The following XKR4 variants were observed in gnomAD, a reference collection of about 807,000 sequenced individuals.
XKR4 encodes XK related 4, also known as XK-related protein 4.
A neutral mutation model predicts 53.9 loss-of-function variants in XKR4; 12 were observed. The ratio of observed to expected loss-of-function variants is 0.22; its 90% CI spans 0.14 to 0.36. The LOEUF is 0.36. Ranked by LOEUF, XKR4 falls within the 10% of genes least tolerant of loss-of-function variation. XKR4 has a pLI of 1.00. For synonymous variants in XKR4, 354 were observed against 362.4 expected (o/e 0.98, Z 0.26); for missense variants, 799 against 859.5 (o/e 0.93, Z 0.88).
chr8:55,449,649 T>C (rs1805399496), intron 2 of XKR4: 5 of 945,822 alleles, frequency 5.3e-6, no homozygotes, highest in Non-Finnish European at 8.7e-6. Context: ...GGGGCACCCA[T>C]GGTGGCCATG....
At chr8:55,138,058 C>T (rs777124951) in intron 1 of XKR4, among the ~76,000 whole-genome samples, 12 of 152,118 alleles carry the variant, frequency 7.9e-5, no homozygotes, top group Non-Finnish European at 1.5e-4. Flanking sequence ...GGAGCTGTCT[C>T]ATTACCTTCT....
At chr8:55,509,397 C>T (rs1806589685) in intron 2 of XKR4, among the ~76,000 whole-genome samples, 3 of 152,132 alleles carry the variant, frequency 2.0e-5, no homozygotes, top group South Asian at 2.1e-4. Context: ...CTTTGTTTCA[C>T]TGGTTCTGTC....
At chr8:55,455,928 C>T (rs966508404) in intron 2 of XKR4, among the ~76,000 whole-genome samples, 1 of 152,162 alleles carries the variant, frequency 6.6e-6, no homozygotes, top group African/African-American at 2.4e-5. Context: ...ACCTCAATAG[C>T]TACATGTCAT....
intron 2 of XKR4, chr8:55,450,141 C>A (rs942252083): frequency 1.9e-5 from 13 of 686,136 alleles, no homozygotes; most frequent in Non-Finnish European, 3.2e-5. Context: ...CTGTCTCCAA[C>A]CTCTGCAGGC....
At chr8:55,253,731 C>CTTTTTTT (rs67608017) in intron 1 of XKR4, among the ~76,000 whole-genome samples, 22 of 113,736 alleles carry the variant, frequency 1.9e-4, no homozygotes, top group African/African-American at 5.1e-4. Flanking sequence ...ATTTTCTTTT[C>CTTTTTTT]TTTTTTTTTT....
chr8:55,248,792 G>T (rs1425592952), intron 1 of XKR4, among the ~76,000 whole-genome samples: 5 of 151,856 alleles, frequency 3.3e-5, no homozygotes, highest in Non-Finnish European at 7.4e-5. Flanking sequence ...CCTGTCTGGG[G>T]TCTCCTGCCT....
At chr8:55,390,679 G>A (rs962952075) in intron 2 of XKR4, among the ~76,000 whole-genome samples, 5 of 152,140 alleles carry the variant, frequency 3.3e-5, no homozygotes, top group Admixed American at 6.5e-5. Flanking sequence ...ATTATAAAAC[G>A]AGGTTTTGCT....
At chr8:55,518,458 TAAAC>T (rs1806747970) in intron 2 of XKR4, among the ~76,000 whole-genome samples, 1 of 152,164 alleles carries the variant, frequency 6.6e-6, no homozygotes, top group Non-Finnish European at 1.5e-5. Context: ...GACAGAAAGA[TAAAC>T]AAGTATTTAT....
At chr8:55,233,072 G>C (rs1196178425) in intron 1 of XKR4, among the ~76,000 whole-genome samples, 1 of 152,192 alleles carries the variant, frequency 6.6e-6, no homozygotes, top group Non-Finnish European at 1.5e-5. Flanking sequence ...ACTGGTTTGA[G>C]GTCACTTTAC....
At chr8:55,434,454 GCAATCAAGACTGTT>G (rs1805147102) in intron 2 of XKR4, among the ~76,000 whole-genome samples, 1 of 148,406 alleles carries the variant, frequency 6.7e-6, no homozygotes, top group Non-Finnish European at 1.5e-5. Context: ...TGCAGAAATG[GCAATCAAGACTGTT>G]TAGATATTAG....
At chr8:55,444,897 C>T (rs1340476541) in intron 2 of XKR4, among the ~76,000 whole-genome samples, 5 of 152,074 alleles carry the variant, frequency 3.3e-5, no homozygotes, top group African/African-American at 1.2e-4. Context: ...TTCATAGCAG[C>T]ATTATCTATA....
chr8:55,465,679 C>T (rs368115011), intron 2 of XKR4, among the ~76,000 whole-genome samples: 7 of 150,816 alleles, frequency 4.6e-5, no homozygotes, highest in South Asian at 2.1e-4. Flanking sequence ...CAAAAGAAAC[C>T]ACCATCAGAG....
intron 2 of XKR4, among the ~76,000 whole-genome samples, chr8:55,437,076 T>C (rs1193255040): frequency 6.6e-6 from 1 of 152,238 alleles, no homozygotes; most frequent in Non-Finnish European, 1.5e-5. Flanking sequence ...AGTAAACTAA[T>C]TTTTAAATGT....
At chr8:55,479,611 G>T (rs903556325) in intron 2 of XKR4, among the ~76,000 whole-genome samples, 21 of 152,080 alleles carry the variant, frequency 1.4e-4, no homozygotes, top group African/African-American at 4.6e-4. Context: ...GAATCCAGGA[G>T]ATTGTTTTTT....
intron 2 of XKR4, among the ~76,000 whole-genome samples, chr8:55,423,352 C>G (rs111505191): frequency 0.019 from 2,844 of 152,294 alleles, 34 homozygotes; most frequent in Middle Eastern, 0.037. Flanking sequence ...GCCTCGGCCT[C>G]CCAAAGTGCT....
chr8:55,538,998 G>A lies in XKR4; in HGVS notation c.*14771G>A, dbSNP rs570066369. 4.6e-5 allele frequency: 7 copies of A among 152,252 alleles called. No individual in the cohort carries two copies. The highest frequency in any genetic ancestry group is 1.7e-4 in the African/African-American group (7 of 41,538). 9.4% of individuals were successfully genotyped at this position (152,252 alleles called of 1,614,324 possible). A position where few individuals can be genotyped will look rare whatever the true frequency, so the allele number is the denominator to read the frequency against. ...TTCAGCTATATACTGATATACATAT[G>A]CTTACATGTGCTTAGGTGGGAATTC... On this transcript the variant is annotated 3_prime_UTR_variant, in exon 3 of 3. Transcript: ENST00000327381.
Position 55,102,311 on chromosome 8 carries a change from C to G in XKR4, c.-178C>G. ...GGCGCGCCGCTAGCCCGGCCCAGCG[C>G]CCAGCCCGGCGGGCGGCGGGCGGCG... On this transcript the variant is annotated 5_prime_UTR_variant, in exon 1 of 3. Transcript: ENST00000327381. This position sits in a 1 kb window ranked among gnomAD's most constrained non-coding sequence, Gnocchi z 5.1. 1.1e-6 allele frequency: 1 copy of G among 892,264 alleles called. No individual in the cohort carries two copies. Among genetic ancestry groups the G allele is most frequent in the Non-Finnish European group, 1.4e-6 (1 of 734,340 alleles). The allele number at this position is 892,264 out of a possible 1,614,324, so 55.3% of individuals were successfully genotyped here.
intron 1 of XKR4, among the ~76,000 whole-genome samples, chr8:55,146,998 A>T (rs1482867314): frequency 6.6e-6 from 1 of 152,252 alleles, no homozygotes; most frequent in Non-Finnish European, 1.5e-5. Flanking sequence ...AATATCCAAC[A>T]CAATGAAATG....
rs1199585289 is a variant in XKR4, at chr8:55,524,243, A to G, written c.*16A>G. The G allele has an allele frequency of 6.3e-7, 1 of 1,599,850 alleles. No homozygotes were observed. Among genetic ancestry groups the G allele is most frequent in the Non-Finnish European group, 8.5e-7 (1 of 1,171,714 alleles). ...CACTTTATAAAGCAAAAGGAGTTGC[A>G]GGACCCACAACATCCAGATGAAGGG... On this transcript the variant is annotated 3_prime_UTR_variant, in exon 3 of 3. Transcript: ENST00000327381.
Sources: gnomAD v4.1 joint callset for allele counts (sites outside exome capture counted in the v4.1 genomes callset) on GRCh38, gnomAD v4.1.1 for gene constraint, Gnocchi (gnomAD v3.1) non-coding constraint, MANE v1.5 for transcripts, NCBI Gene and HGNC (gene_info 2026-07-23, HGNC 2026-07-21) for gene names.